Variants in GLDC observed in about 807,000 individuals in gnomAD.
GLDC encodes the protein glycine dehydrogenase (decarboxylating), mitochondrial.
Under a neutral mutation model 121.3 loss-of-function variants are expected in GLDC, and 104 were observed. The ratio of observed to expected loss-of-function variants is 0.86; its 90% confidence interval spans 0.73 to 1.01. The LOEUF (loss-of-function observed/expected upper bound fraction) is 1.01, where lower values mean the gene tolerates loss of function less well. GLDC is among the 50% of genes least tolerant of loss of function. The probability of loss-of-function intolerance (pLI) is 0.00; values close to 1 mark genes in which losing one functional copy is unlikely to be tolerated. For missense variants in GLDC, 1,429 were observed against 1,306.6 expected, an observed-to-expected ratio of 1.09 and a Z score of -1.44; for synonymous variants, 546 against 480.6, an observed-to-expected ratio of 1.14 and a Z score of -1.78.
intron 21 of GLDC, among the ~76,000 whole-genome samples, chr9:6,546,794 T>C (rs531102657): frequency 1.3e-4 from 19 of 151,742 alleles, no homozygotes; most frequent in South Asian, 6.3e-4. Flanking sequence ...AAACCCTGTC[T>C]CTACTAAAAA....
chr9:6,560,768 T>G (rs993170956), intron 16 of GLDC, among the ~76,000 whole-genome samples: 2 of 152,188 alleles, frequency 1.3e-5, no homozygotes, highest in Admixed American at 1.3e-4. Flanking sequence ...CCCAAAGACA[T>G]CCCTGTCCTA....
chr9:6,589,923 C>T (rs1052540495), intron 11 of GLDC, among the ~76,000 whole-genome samples: 3 of 151,956 alleles, frequency 2.0e-5, no homozygotes, highest in East Asian at 2.0e-4. Context: ...GTCGTGTTGG[C>T]GGGTGCCTGT....
intron 4 of GLDC, 75 bp from the exon 5 acceptor site, chr9:6,606,744 C>G: frequency 2.2e-6 from 2 of 903,802 alleles, no homozygotes. Context: ...GCAAAGCAAA[C>G]ATAGTACCGA....
intron 16 of GLDC, among the ~76,000 whole-genome samples, chr9:6,561,707 G>C (rs957108860): frequency 1.3e-5 from 2 of 152,160 alleles, no homozygotes; most frequent in Admixed American, 6.5e-5. Flanking sequence ...CAGATTTGAA[G>C]TTTTGGTTTA....
At chr9:6,568,771 C>T (rs1817899164) in intron 15 of GLDC, 1 of 152,166 alleles carries the variant, frequency 6.6e-6, no homozygotes, top group South Asian at 2.1e-4. Flanking sequence ...ATCACTTGAA[C>T]CTGGGAGGTG....
chr9:6,644,837 G>C (rs1763527079), intron 1 of GLDC, 145 bp from the exon 2 acceptor site: 2 of 688,774 alleles, frequency 2.9e-6, no homozygotes, highest in South Asian at 1.6e-5. Flanking sequence ...CTCTGAGCAA[G>C]CCAGAATGAT....
chr9:6,568,492 T>C (rs1450842508), intron 15 of GLDC, among the ~76,000 whole-genome samples: 1 of 152,160 alleles, frequency 6.6e-6, no homozygotes, highest in East Asian at 1.9e-4. Flanking sequence ...GGCTGGCCAG[T>C]GAACGGGGAG....
intron 21 of GLDC, among the ~76,000 whole-genome samples, chr9:6,544,349 A>G (rs1454640097): frequency 6.6e-6 from 1 of 152,188 alleles, no homozygotes; most frequent in African/African-American, 2.4e-5. Context: ...GGCCACCTGG[A>G]AACCTCCGCA....
At chr9:6,603,507 GGGT>G (rs1818661338) in intron 7 of GLDC, among the ~76,000 whole-genome samples, 1 of 151,452 alleles carries the variant, frequency 6.6e-6, no homozygotes, top group African/African-American at 2.4e-5. Flanking sequence ...ACTCCAGCCT[GGGT>G]GATGGAGTGA....
At chr9:6,606,941 T>C (rs1818746551) in intron 4 of GLDC, among the ~76,000 whole-genome samples, 1 of 152,052 alleles carries the variant, frequency 6.6e-6, no homozygotes, top group Non-Finnish European at 1.5e-5. Flanking sequence ...TGCATGCCTG[T>C]AATCCCGGCT....
At chr9:6,570,901 A>G (rs2129777192) in intron 15 of GLDC, among the ~76,000 whole-genome samples, 1 of 152,110 alleles carries the variant, frequency 6.6e-6, no homozygotes, top group East Asian at 1.9e-4. Flanking sequence ...TTTAAAAAAA[A>G]TATTTTATTA....
At chr9:6,553,633 C>G (rs1334774249) in intron 19 of GLDC, 124 bp from the exon 20 acceptor site, 2 of 866,084 alleles carry the variant, frequency 2.3e-6, no homozygotes, top group Non-Finnish European at 3.8e-6. Context: ...GGAAGGGACT[C>G]TCCACCTGCT....
In GLDC at chr9:6,605,290, G is replaced by C; in HGVS notation, c.714-12C>G. 6.2e-7 allele frequency: 1 copy of C among 1,613,222 alleles called. No homozygotes were observed. Among genetic ancestry groups the C allele is most frequent in the Non-Finnish European group, 8.5e-7 (1 of 1,179,170 alleles). On this transcript the variant is annotated splice_polypyrimidine_tract_variant and intron_variant, in intron 5 of 24. Transcript: ENST00000321612. ...GGACTCCAGTATATCTGGAAAGACA[G>C]ACAACAAAGAACAATCGTGCTTTCG...
chr9:6,565,708 T>C (rs1431073906), intron 15 of GLDC: 1 of 585,330 alleles, frequency 1.7e-6, no homozygotes, highest in Non-Finnish European at 3.0e-6. Context: ...GCATTGAAAA[T>C]AGCCTTTTGT....
chr9:6,545,602 A>G, intron 21 of GLDC, among the ~76,000 whole-genome samples: 1 of 152,266 alleles, frequency 6.6e-6, no homozygotes. Context: ...TTATTTAAAA[A>G]AACTTTTTTC....
At chr9:6,601,124 G>C (rs1350184866) in intron 8 of GLDC, among the ~76,000 whole-genome samples, 1 of 152,146 alleles carries the variant, frequency 6.6e-6, no homozygotes, top group Non-Finnish European at 1.5e-5. Flanking sequence ...AGTGAGCTGA[G>C]ATTGCGCCAC....
intron 24 of GLDC, among the ~76,000 whole-genome samples, chr9:6,533,383 A>C (rs1248259516): frequency 6.6e-6 from 1 of 152,154 alleles, no homozygotes; most frequent in African/African-American, 2.4e-5. Flanking sequence ...TGTGCTGTTG[A>C]TATCTGGACC....
intron 15 of GLDC, among the ~76,000 whole-genome samples, chr9:6,573,202 G>A (rs781720670): frequency 5.9e-5 from 9 of 152,092 alleles, no homozygotes; most frequent in Non-Finnish European, 1.2e-4. Context: ...TGTAATCCCA[G>A]CACTTTGGGA....
In GLDC at chr9:6,558,637, G is replaced by A. The variant is rs534062853; in HGVS notation, c.1974C>T (p.Ala658=). Residue 658 remains alanine, a synonymous_variant, in exon 17 of 25, where the codon GCC becomes GCT. Coordinates refer to ENST00000321612, the MANE Select transcript of GLDC (RefSeq NM_000170.3). ...KSAHGTNPAS[A]HMAGMKIQPV... ...GCTGAATCTTCATGCCTGCCATGTG[G>A]GCACTTGCTGGGTTGGTCCCATGTG... The A allele has an allele frequency of 1.2e-6, 2 of 1,614,110 alleles. No individual in the cohort carries two copies. The highest frequency in any genetic ancestry group is 1.6e-4 in the Middle Eastern group (1 of 6,062).
Sources: gnomAD v4.1 joint callset for allele counts (sites outside exome capture counted in the v4.1 genomes callset) on GRCh38, gnomAD v4.1.1 for gene constraint, MANE v1.5 for transcripts, NCBI Gene and HGNC (gene_info 2026-07-23, HGNC 2026-07-21) for gene names.